Variants in COL6A6 observed in about 807,000 individuals in gnomAD.
The protein encoded by COL6A6 is collagen type VI alpha 6 chain.
COL6A6 carries 183 observed loss-of-function variants against 208.6 expected under a neutral mutation model. The ratio of observed to expected loss-of-function variants is 0.88; its 90% CI spans 0.78 to 0.99. COL6A6 has a LOEUF of 0.99. Ranked by LOEUF, COL6A6 falls within the 50% of genes least tolerant of loss-of-function variation. The pLI, the probability that COL6A6 is intolerant of heterozygous loss-of-function variation, is 0.00. For missense variants in COL6A6, 2,816 were observed against 2,815.2 expected, an observed-to-expected ratio of 1.00 and a Z score of -0.01; for synonymous variants, 973 against 1,011.8, an observed-to-expected ratio of 0.96 and a Z score of 0.73.
chr3:130,531,305 C>T (rs2062089766), intron 1 of COL6A6, among the ~76,000 whole-genome samples: 1 of 151,964 alleles, frequency 6.6e-6, no homozygotes, highest in African/African-American at 2.4e-5. Context: ...ATACTAACAA[C>T]AGTAGTGGGT....
chr3:130,631,453 C>T (rs2065005061), intron 26 of COL6A6, among the ~76,000 whole-genome samples: 1 of 19,032 alleles, frequency 5.3e-5, no homozygotes, highest in Non-Finnish European at 7.1e-5. Flanking sequence ...GATTCACAGC[C>T]GAATTCTACC....
chr3:130,665,156 C>T (rs2066043274), intron 36 of COL6A6, 60 bp downstream of exon 36: 1 of 1,108,558 alleles, frequency 9.0e-7, no homozygotes, highest in Non-Finnish European at 1.3e-6. Flanking sequence ...CTTCTATTTT[C>T]CTCCTCCTCC....
chr3:130,619,474 G>A (rs1205327712), intron 23 of COL6A6, among the ~76,000 whole-genome samples: 1 of 152,184 alleles, frequency 6.6e-6, no homozygotes, highest in Admixed American at 6.5e-5. Flanking sequence ...AGGCTGCAGA[G>A]GCATGCAATT....
intron 7 of COL6A6, among the ~76,000 whole-genome samples, chr3:130,573,687 C>G (rs1057473584): frequency 1.3e-5 from 2 of 151,178 alleles, no homozygotes; most frequent in Non-Finnish European, 2.9e-5. Context: ...CTGACTCAGG[C>G]TCCCGAGTAG....
rs758083788 is a variant in COL6A6, at chr3:130,568,473, T to A, written c.2270T>A (p.Val757Glu). 2.4e-5 allele frequency: 38 copies of A among 1,613,592 alleles called. No homozygotes were observed. The highest frequency in any genetic ancestry group is 3.0e-5 in the Non-Finnish European group (35 of 1,179,854). ...QEGVIIYSVGVFGSNVTQLEE... is the reference protein window; with the variant it reads ...QEGVIIYSVGEFGSNVTQLEE... ...GGTGTAATCATCTATTCTGTGGGAG[T>A]GTTTGGCTCCAATGTCACCCAGCTT... Residue 757 changes from valine to glutamate, a missense_variant, in exon 6 of 37, where the codon GTG (valine) becomes GAG (glutamate). Coordinates refer to ENST00000358511, the MANE Select transcript of COL6A6 (RefSeq NM_001102608.3).
At chr3:130,641,185 A>G (rs183107782) in intron 28 of COL6A6, among the ~76,000 whole-genome samples, 5 of 144,608 alleles carry the variant, frequency 3.5e-5, no homozygotes, top group African/African-American at 1.2e-4. Flanking sequence ...TATTGCAGCA[A>G]CAAACAGTAA....
At chr3:130,536,673 CA>C (rs2062233061) in intron 1 of COL6A6, among the ~76,000 whole-genome samples, 1 of 152,054 alleles carries the variant, frequency 6.6e-6, no homozygotes, top group South Asian at 2.1e-4. Context: ...ATGTCCTGTT[CA>C]AGGAAAAGTG....
rs78590012 is a variant in COL6A6 at position 130,526,550 on chromosome 3, T to C, written c.-32+9153T>C. ...CTCTGATTGCTGTGTGAAGGATCTA[T>C]GAAGAAGGACAAGGGTCAGGTACTG... On this transcript the variant is annotated intron_variant, in intron 1 of 36. Coordinates refer to ENST00000358511, the MANE Select transcript of COL6A6 (RefSeq NM_001102608.3). 2.8e-3 allele frequency among the ~76,000 whole-genome samples: 422 copies of C among 152,302 alleles called. 4 individuals carry two copies. In the South Asian group the frequency reaches 0.031, roughly 11 times the overall value.
chr3:130,544,907 AAATATT>A (rs2062455946), intron 1 of COL6A6, among the ~76,000 whole-genome samples: 1 of 151,978 alleles, frequency 6.6e-6, no homozygotes, highest in South Asian at 2.1e-4. Context: ...GAGGTTTTTT[AAATATT>A]AACTCCTTAT....
chr3:130,581,856 G>T lies in COL6A6; in HGVS notation c.3843G>T (p.Leu1281Phe). The T allele has an allele frequency of 6.2e-7, 1 of 1,612,844 alleles. No individual in the cohort carries two copies. Among genetic ancestry groups the T allele is most frequent in the South Asian group, 1.1e-5 (1 of 90,930 alleles). The change falls in exon 9 of 37, where the codon TTG (leucine) becomes TTT (phenylalanine). Residue 1281 changes from leucine (L) to phenylalanine (F), a missense_variant. Physicochemically the swap from Leu to Phe is conservative, Grantham distance 22. Coordinates refer to ENST00000358511, the MANE Select transcript of COL6A6 (RefSeq NM_001102608.3). ...KGPSLLNANL[L>F]DSLWDTFQNK... ...CATCTCTTCTCAATGCAAACCTCTT[G>T]GATTCTCTATGGGATACATTTCAGA...
Position 130,581,711 on chromosome 3 carries a change from C to T in COL6A6, c.3698C>T (p.Thr1233Ile). 6.2e-7 allele frequency: 1 copy of T among 1,613,980 alleles called. No homozygotes were observed. Among genetic ancestry groups the T allele is most frequent in the South Asian group, 1.1e-5 (1 of 91,082 alleles). ...AATGGAGTAAGCTGTGAGGTGGGCA[C>T]AGAGACTCAGGTCAGTGTGGCTTTT... Reference protein sequence around the residue: ...SLNGVSCEVGTETQVSVAFQV... With the variant: ...SLNGVSCEVGIETQVSVAFQV... Residue 1233 changes from threonine to isoleucine, a missense_variant, in exon 9 of 37, where the codon ACA becomes ATA. Thr to Ile is a moderately conservative substitution (Grantham distance 89). Coordinates refer to ENST00000358511, the MANE Select transcript of COL6A6 (RefSeq NM_001102608.3).
chr3:130,674,376 A>G (rs1576440733), intron 36 of COL6A6, among the ~76,000 whole-genome samples: 1 of 152,180 alleles, frequency 6.6e-6, no homozygotes, highest in East Asian at 1.9e-4. Context: ...AGTTCTACTT[A>G]GCACTTGGCT....
intron 1 of COL6A6, among the ~76,000 whole-genome samples, chr3:130,554,810 G>A (rs1209394534): frequency 1.3e-5 from 2 of 152,212 alleles, no homozygotes; most frequent in Admixed American, 1.3e-4. Flanking sequence ...GGAGGCTGCA[G>A]TGGGGGAGGG....
intron 1 of COL6A6, among the ~76,000 whole-genome samples, chr3:130,523,216 G>T (rs1314564663): frequency 3.3e-5 from 5 of 151,894 alleles, no homozygotes; most frequent in Non-Finnish European, 7.4e-5. Context: ...CTCTCAACCT[G>T]GCTAACTGCT....
intron 1 of COL6A6, among the ~76,000 whole-genome samples, chr3:130,519,013 A>C (rs1374797529): frequency 6.6e-6 from 1 of 152,196 alleles, no homozygotes; most frequent in Non-Finnish European, 1.5e-5. Flanking sequence ...TTTTTTGTGA[A>C]CCAATTCTCC....
intron 7 of COL6A6, among the ~76,000 whole-genome samples, chr3:130,572,556 A>G (rs1168816281): frequency 6.6e-6 from 1 of 152,202 alleles, no homozygotes; most frequent in Admixed American, 6.5e-5. Flanking sequence ...CAAAACTAAT[A>G]AAATCTTTCT....
chr3:130,574,422 C>G lies in COL6A6; in HGVS notation c.3444C>G (p.Ile1148Met). 1 of 1,614,032 alleles carries G rather than the reference C, an allele frequency of 6.2e-7. No individual in the cohort carries two copies. The highest frequency in any genetic ancestry group is 8.5e-7 in the Non-Finnish European group (1 of 1,179,888). Residue 1148 changes from isoleucine to methionine, a missense_variant, in exon 8 of 37, where the codon ATC (isoleucine) becomes ATG (methionine). Transcript: ENST00000358511. ...TGGATGACCAGCAGCTCATTCAGAT[C>G]ACCGGGACTGCAGAGAAAAAACTGA... ...GDVDDQQLIQITGTAEKKLTV... is the reference protein window; with the variant it reads ...GDVDDQQLIQMTGTAEKKLTV...
chr3:130,643,380 C>A (rs1035497190), intron 31 of COL6A6, among the ~76,000 whole-genome samples: 3 of 152,138 alleles, frequency 2.0e-5, no homozygotes, highest in Non-Finnish European at 4.4e-5. Flanking sequence ...ATTGAATTCA[C>A]CTGGCATGAA....
At chr3:130,654,807 C>T (rs978418880) in intron 33 of COL6A6, among the ~76,000 whole-genome samples, 1 of 152,198 alleles carries the variant, frequency 6.6e-6, no homozygotes, top group African/African-American at 2.4e-5. Context: ...TTACTCAAAT[C>T]AGTCTCCCTG....
Sources: allele counts gnomAD v4.1 joint callset (sites outside exome capture counted in the v4.1 genomes callset), GRCh38; gene constraint gnomAD v4.1.1; transcripts MANE v1.5; gene names NCBI Gene and HGNC (gene_info 2026-07-23, HGNC 2026-07-21).